The following FAM110B variants were observed in gnomAD, a reference collection of about 807,000 sequenced individuals.
The protein encoded by FAM110B is family with sequence similarity 110 member B, also known as protein FAM110B.
Under a neutral mutation model 20.4 loss-of-function variants are expected in FAM110B, and 6 were observed. That is an observed-to-expected ratio of 0.29 (90% CI 0.16 to 0.58). The LOEUF (loss-of-function observed/expected upper bound fraction) is 0.58. Among genes scored for constraint, FAM110B ranks in the 20% least tolerant of loss-of-function variants. The probability of loss-of-function intolerance (pLI) is 0.90; values close to 1 mark genes in which losing one functional copy is unlikely to be tolerated. For missense variants in FAM110B, 434 were observed against 498.2 expected, an observed-to-expected ratio of 0.87 and a Z score of 1.23; for synonymous variants, 226 against 214.1, an observed-to-expected ratio of 1.06 and a Z score of -0.49.
chr8:58,039,706 T>C (rs1217431956), intron 2 of FAM110B, among the ~76,000 whole-genome samples: 1 of 152,182 alleles, frequency 6.6e-6, no homozygotes, highest in Non-Finnish European at 1.5e-5. Flanking sequence ...TAGAGTAAGG[T>C]TAGTCTCCCC....
chr8:58,079,958 T>G (rs566741326), intron 3 of FAM110B, among the ~76,000 whole-genome samples: 1 of 152,236 alleles, frequency 6.6e-6, no homozygotes, highest in African/African-American at 2.4e-5. Flanking sequence ...GCTACAGTTA[T>G]GACCATGGAC....
rs188602253 is a variant in FAM110B, at chr8:58,042,775, G to A, written c.-414+11072G>A. Among the ~76,000 whole-genome samples the A allele has an allele frequency of 4.6e-5, 7 of 152,336 alleles. No individual in the cohort carries two copies. In the East Asian group the frequency reaches 1.2e-3, roughly 25 times the overall value. ...TAAAACTGTAATCCACATCAAAACT[G>A]CTTATCAAATCTCCTGGATGCTTGC... On this transcript the variant is annotated intron_variant, in intron 2 of 3. Coordinates refer to ENST00000519262, the MANE Select transcript of FAM110B (RefSeq NM_001377989.1).
intron 3 of FAM110B, among the ~76,000 whole-genome samples, chr8:58,076,885 T>C (rs1336372404): frequency 6.6e-6 from 1 of 152,324 alleles, no homozygotes; most frequent in Admixed American, 6.5e-5. Context: ...CTTGCTTATA[T>C]AGTAAGCCAT....
At chr8:58,134,407 A>T (rs201151666) in intron 3 of FAM110B, among the ~76,000 whole-genome samples, 2 of 152,190 alleles carry the variant, frequency 1.3e-5, no homozygotes, top group East Asian at 3.8e-4. Flanking sequence ...CTTATATTGG[A>T]GATTACTCCA....
At chr8:58,015,734 A>G (rs1804624536) in intron 1 of FAM110B, among the ~76,000 whole-genome samples, 1 of 151,510 alleles carries the variant, frequency 6.6e-6, no homozygotes, top group Non-Finnish European at 1.5e-5. Context: ...AATCTCAGCT[A>G]CTCAGGAGGC....
At chr8:58,008,100 CAG>C (rs1294781738) in intron 1 of FAM110B, among the ~76,000 whole-genome samples, 11 of 148,248 alleles carry the variant, frequency 7.4e-5, no homozygotes, top group African/African-American at 2.5e-4. Context: ...AATGAAATGA[CAG>C]TGTAGGAGTC....
chr8:58,113,236 T>C lies in FAM110B; in HGVS notation c.-324-32671T>C, dbSNP rs2150620931. Reference sequence around the variant, plus strand: ...GTTTCTTCCTTGTGTTTGCCCTTTCTCTTGCCTGCTTGATGAGATTTGGCT... The same window carrying C: ...GTTTCTTCCTTGTGTTTGCCCTTTCCCTTGCCTGCTTGATGAGATTTGGCT... On this transcript the variant is annotated intron_variant, in intron 3 of 3. Coordinates refer to ENST00000519262, the MANE Select transcript of FAM110B (RefSeq NM_001377989.1). The C allele has an allele frequency of 2.5e-5, 4 of 158,430 alleles. 1 individual carries two copies. The Middle Eastern group carries it at 0.013, about 528-fold the overall frequency. The allele number at this position is 158,430 out of a possible 1,614,324, so 9.8% of individuals were successfully genotyped here.
chr8:58,053,372 G>T (rs1805491493), intron 2 of FAM110B, among the ~76,000 whole-genome samples: 1 of 152,226 alleles, frequency 6.6e-6, no homozygotes, highest in Non-Finnish European at 1.5e-5. Context: ...AAGAGGAACA[G>T]AAATGCTGAC....
Position 58,146,724 on chromosome 8 carries a change from T to G in FAM110B, c.494T>G (p.Val165Gly), listed in dbSNP as rs1358053847. 2 of 1,612,332 alleles carry G rather than the reference T, an allele frequency of 1.2e-6. No individual in the cohort carries two copies. Among genetic ancestry groups the G allele is most frequent in the Non-Finnish European group, 1.7e-6 (2 of 1,179,436 alleles). ...CACTCCTTCGCGGAGTCCCTGAAGG[T>G]CTACCCCACGCAGGGCCGCAGGAGC... The part of the protein sequence containing the change: ...HRHSFAESLK[V>G]YPTQGRRSPQ... Residue 165 changes from valine (V) to glycine (G), a missense_variant, in exon 4 of 4, where the codon GTC (valine) becomes GGC (glycine). Physicochemically the swap from Val to Gly is moderately radical, Grantham distance 109. This residue lies in a region of FAM110B where 284 missense variants were observed against 278.3 expected (regional missense o/e 1.02). Transcript: ENST00000519262.
intron 3 of FAM110B, among the ~76,000 whole-genome samples, chr8:58,103,457 A>G (rs1262562512): frequency 6.6e-6 from 1 of 152,104 alleles, no homozygotes; most frequent in Non-Finnish European, 1.5e-5. Context: ...TTTACTGAGA[A>G]TGATGATTTC....
intron 2 of FAM110B, among the ~76,000 whole-genome samples, chr8:58,051,675 G>A (rs1015152238): frequency 2.0e-5 from 3 of 152,076 alleles, no homozygotes; most frequent in Admixed American, 6.5e-5. Context: ...CATTTCAAAT[G>A]GTAAAAAGTA....
At chr8:58,125,054 A>T (rs1217576380) in intron 3 of FAM110B, among the ~76,000 whole-genome samples, 1 of 152,214 alleles carries the variant, frequency 6.6e-6, no homozygotes, top group Non-Finnish European at 1.5e-5. Flanking sequence ...TTGTACATGA[A>T]AATATTATTG....
chr8:58,035,414 T>C (rs1805057435), intron 2 of FAM110B, among the ~76,000 whole-genome samples: 1 of 152,242 alleles, frequency 6.6e-6, no homozygotes, highest in African/African-American at 2.4e-5. Context: ...CTTGGTATAT[T>C]AGAGAATTTT....
In FAM110B at chr8:58,072,866, G is replaced by C. The variant is rs75228531; in HGVS notation, c.-413-2669G>C. ...TGATGTGCCGCAAAGTAACTGGGCTGAACAAGGTGTGGAAAATATTTGTGA... is the reference window on the plus strand; with the variant it reads ...TGATGTGCCGCAAAGTAACTGGGCTCAACAAGGTGTGGAAAATATTTGTGA... On this transcript the variant is annotated intron_variant, in intron 2 of 3. Transcript: ENST00000519262. Among the ~76,000 whole-genome samples the C allele has an allele frequency of 8.1e-4, 123 of 152,324 alleles. No individual in the cohort carries two copies. In the East Asian group the frequency reaches 0.018, roughly 22 times the overall value.
At chr8:58,108,550 C>T (rs1265431822) in intron 3 of FAM110B, among the ~76,000 whole-genome samples, 2 of 152,184 alleles carry the variant, frequency 1.3e-5, no homozygotes, top group Non-Finnish European at 2.9e-5. Context: ...ATCGAGGCTG[C>T]TCCTGACTTC....
intron 3 of FAM110B, among the ~76,000 whole-genome samples, chr8:58,128,214 C>T (rs1807561218): frequency 6.6e-6 from 1 of 152,062 alleles, no homozygotes; most frequent in Non-Finnish European, 1.5e-5. Context: ...GGGAATCACA[C>T]AAATGGAATT....
At chr8:58,069,599 C>G (rs186109234) in intron 2 of FAM110B, among the ~76,000 whole-genome samples, 177 of 152,266 alleles carry the variant, frequency 1.2e-3, no homozygotes, top group African/African-American at 4.1e-3. Context: ...CTTATAACTG[C>G]GAATTAATCA....
intron 3 of FAM110B, among the ~76,000 whole-genome samples, chr8:58,138,354 C>T (rs1803668479): frequency 6.6e-6 from 1 of 152,236 alleles, no homozygotes; most frequent in African/African-American, 2.4e-5. Context: ...TTCCCCGGCA[C>T]ATGTGTGGGC....
In FAM110B at chr8:58,147,385, C is replaced by T. The variant is rs752109876; in HGVS notation, c.*42C>T. ...GAGGGAGCGTGGGTCTCTGTGCTTA[C>T]GCAGTTGTGAAGGTTGTGAGGTCTC... On this transcript the variant is annotated 3_prime_UTR_variant, in exon 4 of 4. Coordinates refer to ENST00000519262, the MANE Select transcript of FAM110B (RefSeq NM_001377989.1). The T allele has an allele frequency of 5.3e-5, 84 of 1,580,966 alleles. No individual in the cohort carries two copies. Among genetic ancestry groups the T allele is most frequent in the Non-Finnish European group, 6.5e-5 (76 of 1,162,908 alleles).
Sources: allele counts gnomAD v4.1 joint callset (sites outside exome capture counted in the v4.1 genomes callset), GRCh38; gene constraint gnomAD v4.1.1; regional missense constraint gnomAD v4.1.1; transcripts MANE v1.5; gene names NCBI Gene and HGNC (gene_info 2026-07-23, HGNC 2026-07-21).